Variants in ADAMTS19 observed in about 807,000 individuals in gnomAD.
ADAMTS19 encodes ADAM metallopeptidase with thrombospondin type 1 motif 19, also known as A disintegrin and metalloproteinase with thrombospondin motifs 19.
Under a neutral mutation model 153.3 loss-of-function variants are expected in ADAMTS19, and 93 were observed. The ratio of observed to expected loss-of-function variants is 0.61; its 90% CI spans 0.51 to 0.72. ADAMTS19 has a LOEUF of 0.72. Ranked by LOEUF, ADAMTS19 falls within the 30% of genes least tolerant of loss-of-function variation. The pLI, the probability that ADAMTS19 is intolerant of heterozygous loss-of-function variation, is 0.00. For missense variants in ADAMTS19, 1,482 were observed against 1,552.1 expected, an observed-to-expected ratio of 0.95 and a Z score of 0.76; for synonymous variants, 600 against 556.6, an observed-to-expected ratio of 1.08 and a Z score of -1.10.
At chr5:129,632,360 G>C (rs4326177) in intron 10 of ADAMTS19, among the ~76,000 whole-genome samples, 1 of 150,682 alleles carries the variant, frequency 6.6e-6, no homozygotes, top group Non-Finnish European at 1.5e-5. Context: ...TATATATATA[G>C]ATATAGATAT....
chr5:129,481,644 G>C (rs1750413450), intron 2 of ADAMTS19, among the ~76,000 whole-genome samples: 1 of 152,040 alleles, frequency 6.6e-6, no homozygotes, highest in African/African-American at 2.4e-5. Context: ...TGCTTGTTTA[G>C]CCCACATTTC....
At chr5:129,564,434 A>G (rs1309868702) in intron 7 of ADAMTS19, among the ~76,000 whole-genome samples, 1 of 152,208 alleles carries the variant, frequency 6.6e-6, no homozygotes, top group African/African-American at 2.4e-5. Flanking sequence ...TTATATGGGA[A>G]GAAAACAAGT....
chr5:129,548,193 A>C (rs1752932290), intron 6 of ADAMTS19, among the ~76,000 whole-genome samples: 1 of 150,308 alleles, frequency 6.7e-6, no homozygotes, highest in Non-Finnish European at 1.5e-5. Context: ...ATTAAACTAA[A>C]GAGCTTCTGC....
At chr5:129,584,613 G>C (rs974002438) in intron 7 of ADAMTS19, among the ~76,000 whole-genome samples, 1 of 152,168 alleles carries the variant, frequency 6.6e-6, no homozygotes, top group Non-Finnish European at 1.5e-5. Context: ...GGAATCTAGA[G>C]AGCCAGTCTG....
chr5:129,726,120 C>G (rs1424595814), intron 21 of ADAMTS19, among the ~76,000 whole-genome samples: 1 of 152,106 alleles, frequency 6.6e-6, no homozygotes, highest in Non-Finnish European at 1.5e-5. Context: ...TAAGTTTGCT[C>G]TAAAGATGAT....
Position 129,509,113 on chromosome 5 carries a change from A to C in ADAMTS19, c.784A>C (p.Ile262Leu), listed in dbSNP as rs754619714. The C allele has an allele frequency of 1.2e-6, 2 of 1,611,372 alleles. No individual in the cohort carries two copies. The highest frequency in any genetic ancestry group is 1.7e-6 in the Non-Finnish European group (2 of 1,178,328). ...ACAGCTCAATGAGGACTTCATATTT[A>C]TTGAGCCACTCAATGATACAATGGC... is the stretch of plus-strand genomic sequence containing the variant. ...FIQLNEDFIF[I>L]EPLNDTMAIT... The change falls in exon 3 of 23, where the codon ATT becomes CTT. Residue 262 changes from isoleucine (I) to leucine (L), a missense_variant. Coordinates refer to ENST00000274487, the MANE Select transcript of ADAMTS19 (RefSeq NM_133638.6).
At chr5:129,645,707 T>C (rs1753028332) in intron 11 of ADAMTS19, among the ~76,000 whole-genome samples, 1 of 151,594 alleles carries the variant, frequency 6.6e-6, no homozygotes, top group African/African-American at 2.4e-5. Context: ...GCCAAGGAGG[T>C]ATGATATGCA....
At chr5:129,609,083 GT>G (rs1751069327) in intron 8 of ADAMTS19, among the ~76,000 whole-genome samples, 1 of 152,068 alleles carries the variant, frequency 6.6e-6, no homozygotes, top group South Asian at 2.1e-4. Flanking sequence ...TAAATATACT[GT>G]CCCCATTGTA....
chr5:129,594,521 C>G (rs1050780324), intron 7 of ADAMTS19, among the ~76,000 whole-genome samples: 2 of 152,074 alleles, frequency 1.3e-5, no homozygotes, highest in African/African-American at 4.8e-5. Flanking sequence ...ATTTTATTTT[C>G]AAATGCTGTA....
intron 18 of ADAMTS19, among the ~76,000 whole-genome samples, chr5:129,693,431 C>T (rs1755421213): frequency 6.6e-6 from 1 of 152,058 alleles, no homozygotes; most frequent in African/African-American, 2.4e-5. Context: ...GTCATAGTAC[C>T]CTAACTAATG....
chr5:129,728,613 G>A (rs1184950723), intron 21 of ADAMTS19, among the ~76,000 whole-genome samples: 2 of 152,040 alleles, frequency 1.3e-5, no homozygotes, highest in Non-Finnish European at 2.9e-5. Context: ...TTGATCACAA[G>A]GCAACAAAGT....
intron 15 of ADAMTS19, among the ~76,000 whole-genome samples, chr5:129,665,096 A>T (rs1355166152): frequency 7.2e-5 from 11 of 151,970 alleles, no homozygotes; most frequent in Non-Finnish European, 1.5e-4. Context: ...TTCTCCGGCT[A>T]TATATTCTTT....
In ADAMTS19 at chr5:129,570,727, A is replaced by G. The variant is rs143015103; in HGVS notation, c.1372+18820A>G. On this transcript the variant is annotated intron_variant, in intron 7 of 22. Coordinates refer to ENST00000274487, the MANE Select transcript of ADAMTS19 (RefSeq NM_133638.6). ...AATATACGAATAACAGAAGAGAATC[A>G]AGTGGGGCTTATCTCAGGAAATAAA... Among the ~76,000 whole-genome samples the G allele has an allele frequency of 4.3e-3, 658 of 152,100 alleles. 3 individuals are homozygous for G. Among genetic ancestry groups the G allele is most frequent in the African/African-American group, 0.015 (624 of 41,566 alleles).
chr5:129,620,478 T>G, intron 8 of ADAMTS19, 140 bp from the exon 9 acceptor site: 1 of 501,528 alleles, frequency 2.0e-6, no homozygotes, highest in Non-Finnish European at 3.2e-6. Flanking sequence ...TCTAATTTTA[T>G]TTTGAAACTA....
At chr5:129,559,426 T>C (rs188972890) in intron 7 of ADAMTS19, among the ~76,000 whole-genome samples, 2 of 152,158 alleles carry the variant, frequency 1.3e-5, no homozygotes, top group East Asian at 3.9e-4. Context: ...CCAACTTCAT[T>C]AGTAGTAAAG....
intron 7 of ADAMTS19, 133 bp from the exon 8 acceptor site, chr5:129,596,426 A>G (rs766623345): frequency 7.2e-6 from 4 of 558,790 alleles, no homozygotes; most frequent in Non-Finnish European, 1.2e-5. Context: ...TTCATTTATT[A>G]GGGCTAGATT....
intron 19 of ADAMTS19, among the ~76,000 whole-genome samples, chr5:129,697,835 T>C (rs116173415): frequency 0.021 from 3,184 of 152,354 alleles, 58 homozygotes; most frequent in South Asian, 0.05. Context: ...AAATTATCTG[T>C]GTTAAATAAT....
chr5:129,469,673 G>T (rs1013704337), intron 2 of ADAMTS19, among the ~76,000 whole-genome samples: 2 of 152,192 alleles, frequency 1.3e-5, no homozygotes, highest in Admixed American at 6.5e-5. Context: ...AAGGCCAGGA[G>T]AATGAAAAGA....
chr5:129,705,065 T>C (rs1464112973), intron 21 of ADAMTS19, among the ~76,000 whole-genome samples: 2 of 152,168 alleles, frequency 1.3e-5, no homozygotes, highest in East Asian at 3.8e-4. Flanking sequence ...TCTGATCATT[T>C]TGGGGTGAAA....
Sources: allele counts gnomAD v4.1 joint callset (sites outside exome capture counted in the v4.1 genomes callset), GRCh38; gene constraint gnomAD v4.1.1; transcripts MANE v1.5; gene names NCBI Gene and HGNC (gene_info 2026-07-23, HGNC 2026-07-21).